Variants in ZRANB3 observed in about 807,000 individuals in gnomAD.
The protein encoded by ZRANB3 is zinc finger RANBP2-type containing 3, also known as DNA annealing helicase and endonuclease ZRANB3.
In ZRANB3, 125 loss-of-function variants were observed where a neutral mutation model predicts 133.8. That is an observed-to-expected ratio of 0.93 (90% CI 0.81 to 1.08). ZRANB3 has a LOEUF of 1.08. Among genes scored for constraint, ZRANB3 ranks in the 50% least tolerant of loss-of-function variants. The probability of loss-of-function intolerance (pLI) is 0.00; values close to 1 mark genes in which losing one functional copy is unlikely to be tolerated. For synonymous variants in ZRANB3, 387 were observed against 432.7 expected (o/e 0.89, Z 1.31); for missense variants, 1,229 against 1,275.5 (o/e 0.96, Z 0.56).
intron 2 of ZRANB3, among the ~76,000 whole-genome samples, chr2:135,495,399 A>G (rs2104811726): frequency 6.6e-6 from 1 of 152,342 alleles, no homozygotes; most frequent in East Asian, 1.9e-4. Flanking sequence ...GTAAAGGAGT[A>G]AAAGAATGGC....
At chr2:135,287,404 G>A (rs140952398) in intron 8 of ZRANB3, among the ~76,000 whole-genome samples, 254 of 152,144 alleles carry the variant, frequency 1.7e-3, no homozygotes, top group African/African-American at 5.9e-3. Flanking sequence ...GCTATGATGA[G>A]TCTTTTTTGG....
chr2:135,417,324 A>C (rs1225067099), intron 2 of ZRANB3, among the ~76,000 whole-genome samples: 1 of 152,120 alleles, frequency 6.6e-6, no homozygotes, highest in African/African-American at 2.4e-5. Context: ...ACTTCTCAAA[A>C]GAAGACATTT....
rs536816282 is a variant in ZRANB3, at chr2:135,361,838, T to C, written c.181-8210A>G. Among the ~76,000 whole-genome samples the C allele has an allele frequency of 3.3e-5, 5 of 152,328 alleles. No individual in the cohort carries two copies. The East Asian group carries it at 9.6e-4, about 29-fold the overall frequency. On this transcript the variant is annotated intron_variant, in intron 3 of 20. Transcript: ENST00000264159. ...TTTAGCAGAACCACTTTCTTGTTCT[T>C]GTACATTGTTAGTGCTATTTCCAAT...
rs776398910 is a variant in ZRANB3 at position 135,265,660 on chromosome 2, G to A, written c.1413C>T (p.Asn471=). 32 of 1,613,252 alleles carry A rather than the reference G, an allele frequency of 2.0e-5. No homozygotes were observed. Among genetic ancestry groups the A allele is most frequent in the Non-Finnish European group, 2.4e-5 (28 of 1,179,608 alleles). Residue 471 remains asparagine, a synonymous_variant, in exon 12 of 21, where the codon AAC becomes AAT. Transcript: ENST00000264159. The part of the protein sequence containing the change: ...RKAQVTGSTL[N]GRKEKIQAEE... Reference sequence around the variant, plus strand: ...CAGCCTGAATTTTTTCTTTCCTACCGTTCAGTGTGCTCCCTGTAACTTGAG... The same window carrying A: ...CAGCCTGAATTTTTTCTTTCCTACCATTCAGTGTGCTCCCTGTAACTTGAG...
At chr2:135,519,854 T>C (rs1361122620) in intron 1 of ZRANB3, among the ~76,000 whole-genome samples, 1 of 151,990 alleles carries the variant, frequency 6.6e-6, no homozygotes, top group East Asian at 1.9e-4. Context: ...CAGATTAGAG[T>C]GTTTGGAAGG....
chr2:135,403,232 G>A (rs1460196989), intron 2 of ZRANB3, among the ~76,000 whole-genome samples: 2 of 152,142 alleles, frequency 1.3e-5, no homozygotes, highest in Non-Finnish European at 2.9e-5. Context: ...GATGGCACCT[G>A]GAACATCAGG....
chr2:135,435,881 T>C (rs1689512330), intron 2 of ZRANB3, among the ~76,000 whole-genome samples: 1 of 152,200 alleles, frequency 6.6e-6, no homozygotes, highest in South Asian at 2.1e-4. Context: ...ACATGATGGA[T>C]ATTAGGCCTT....
At chr2:135,285,294 T>G (rs1348877822) in intron 8 of ZRANB3, among the ~76,000 whole-genome samples, 1 of 152,242 alleles carries the variant, frequency 6.6e-6, no homozygotes, top group African/African-American at 2.4e-5. Flanking sequence ...CTCCATATAG[T>G]TAATATACTC....
chr2:135,483,845 AT>A (rs1457723567), intron 2 of ZRANB3, among the ~76,000 whole-genome samples: 4 of 152,164 alleles, frequency 2.6e-5, no homozygotes, highest in Non-Finnish European at 4.4e-5. Flanking sequence ...GAATATCTTT[AT>A]TTCTGCCTTC....
At chr2:135,495,263 A>T (rs1692614114) in intron 2 of ZRANB3, among the ~76,000 whole-genome samples, 2 of 152,216 alleles carry the variant, frequency 1.3e-5, no homozygotes, top group African/African-American at 4.8e-5. Context: ...AAAAATAAAA[A>T]GTTAAATTAT....
intron 6 of ZRANB3, among the ~76,000 whole-genome samples, chr2:135,329,500 C>A (rs1684026686): frequency 6.6e-6 from 1 of 152,184 alleles, no homozygotes; most frequent in Non-Finnish European, 1.5e-5. Flanking sequence ...CATAATGCCT[C>A]CAGCTTTGTT....
chr2:135,257,045 C>A (rs746454213), intron 12 of ZRANB3, among the ~76,000 whole-genome samples: 4 of 152,174 alleles, frequency 2.6e-5, no homozygotes, highest in Non-Finnish European at 4.4e-5. Context: ...AGGGGAGGAA[C>A]CTTCAGTTCC....
chr2:135,316,890 C>A (rs773994073), intron 6 of ZRANB3, among the ~76,000 whole-genome samples: 1 of 149,194 alleles, frequency 6.7e-6, no homozygotes, highest in East Asian at 2.0e-4. Flanking sequence ...CGCTTGAACC[C>A]GGGAAGCAGA....
intron 12 of ZRANB3, among the ~76,000 whole-genome samples, chr2:135,261,626 G>A (rs1679970103): frequency 6.6e-6 from 1 of 152,068 alleles, no homozygotes; most frequent in Non-Finnish European, 1.5e-5. Context: ...TTAAAATTGT[G>A]TATACAAATA....
intron 8 of ZRANB3, among the ~76,000 whole-genome samples, chr2:135,311,741 C>G (rs959068348): frequency 2.0e-5 from 3 of 152,104 alleles, no homozygotes; most frequent in Non-Finnish European, 2.9e-5. Flanking sequence ...CAGAGCAAGA[C>G]TCTGTCTCTC....
chr2:135,259,738 C>G (rs1039160678), intron 12 of ZRANB3, among the ~76,000 whole-genome samples: 1 of 152,116 alleles, frequency 6.6e-6, no homozygotes, highest in Non-Finnish European at 1.5e-5. Context: ...CATGTCCTAA[C>G]CACAAGCAGG....
chr2:135,277,654 G>A (rs1235456061), intron 8 of ZRANB3, among the ~76,000 whole-genome samples: 1 of 152,182 alleles, frequency 6.6e-6, no homozygotes, highest in Non-Finnish European at 1.5e-5. Flanking sequence ...GCCAGGTGCG[G>A]GGGCTCACGC....
intron 2 of ZRANB3, among the ~76,000 whole-genome samples, chr2:135,391,734 C>A (rs1403521375): frequency 6.6e-6 from 1 of 152,046 alleles, no homozygotes; most frequent in African/African-American, 2.4e-5. Flanking sequence ...CACCTGTCAC[C>A]ACGCCAGGCT....
chr2:135,329,581 T>C (rs914493651), intron 6 of ZRANB3, among the ~76,000 whole-genome samples: 2 of 152,236 alleles, frequency 1.3e-5, no homozygotes, highest in African/African-American at 4.8e-5. Context: ...AGTAGTTTTT[T>C]CCAATTCTGT....
Sources: allele counts gnomAD v4.1 joint callset (sites outside exome capture counted in the v4.1 genomes callset), GRCh38; gene constraint gnomAD v4.1.1; transcripts MANE v1.5; gene names NCBI Gene and HGNC (gene_info 2026-07-23, HGNC 2026-07-21).